Variants in MCCC1 observed in about 807,000 individuals in gnomAD.
The protein encoded by MCCC1 is methylcrotonoyl-CoA carboxylase subunit alpha, mitochondrial.
A neutral mutation model predicts 83.8 loss-of-function variants in MCCC1; 64 were observed. That is an observed-to-expected ratio of 0.76 (90% confidence interval 0.62 to 0.94). The LOEUF (loss-of-function observed/expected upper bound fraction) is 0.94. Among genes scored for constraint, MCCC1 ranks in the 40% least tolerant of loss-of-function variants. The probability of loss-of-function intolerance (pLI) is 0.00; values close to 1 mark genes in which losing one functional copy is unlikely to be tolerated. For missense variants in MCCC1, 807 were observed against 904.7 expected (o/e 0.89, Z 1.39); for synonymous variants, 322 against 315.4 (o/e 1.02, Z -0.22).
intron 2 of MCCC1, 96 bp downstream of exon 2, chr3:183,094,463 T>C: frequency 1.7e-6 from 2 of 1,171,392 alleles, no homozygotes; most frequent in South Asian, 2.6e-5. Context: ...TGATAACTAA[T>C]TCTATTATGC....
upstream of MCCC1, among the ~76,000 whole-genome samples, chr3:183,102,788 T>C (rs1175869935): frequency 3.5e-5 from 4 of 113,800 alleles, no homozygotes; most frequent in South Asian, 3.4e-4. Context: ...TTTTTTTTTT[T>C]TTTTTTTTTT....
chr3:183,108,951 G>A lies in MCCC1; in HGVS notation c.-102+6523C>T, dbSNP rs112746280. On this transcript the variant is annotated intron_variant, in intron 1 of 17. Coordinates refer to the MCCC1 transcript ENST00000492597. ...TTTAAAAAATTTTTCTTTTAGGTTC[G>A]GGGCTACACATGCAGGTTTGTGGGG... 1.1e-3 allele frequency among the ~76,000 whole-genome samples: 169 copies of A among 152,142 alleles called. 1 individual carries two copies. Among genetic ancestry groups the A allele is most frequent in the African/African-American group, 3.1e-3 (127 of 41,520 alleles).
At chr3:183,099,264 G>T in intron 1 of MCCC1, 88 bp downstream of exon 1, 1 of 1,464,938 alleles carries the variant, frequency 6.8e-7, no homozygotes, top group Non-Finnish European at 9.3e-7. Context: ...CACCGACCCT[G>T]GGTTCCGCCG....
At chr3:183,041,808 TA>T (rs1214919191) in intron 10 of MCCC1, 58 bp from the exon 11 acceptor site, 1 of 1,585,294 alleles carries the variant, frequency 6.3e-7, no homozygotes. Flanking sequence ...CCAGACTTAG[TA>T]AATCAATGGT....
intron 2 of MCCC1, among the ~76,000 whole-genome samples, chr3:183,094,238 C>G (rs576852671): frequency 6.6e-6 from 1 of 151,842 alleles, no homozygotes; most frequent in Admixed American, 6.6e-5. Context: ...TTAGTAGACA[C>G]AGGGTTTTGC....
chr3:183,064,088 G>A lies in MCCC1; in HGVS notation c.762-6666C>T, dbSNP rs535698189. 3.3e-5 allele frequency among the ~76,000 whole-genome samples: 5 copies of A among 152,138 alleles called. No homozygotes were observed. Among genetic ancestry groups the A allele is most frequent in the East Asian group, 1.9e-4 (1 of 5,158 alleles). ...GGCTCCTCTCAGTAAAATCCCTCTC[G>A]GCTAAGAATGGGTTTGGCACTATGG... On this transcript the variant is annotated intron_variant, in intron 7 of 18. Coordinates refer to ENST00000265594, the MANE Select transcript of MCCC1 (RefSeq NM_020166.5). This position sits in a 1 kb window ranked among gnomAD's most constrained non-coding sequence, Gnocchi z 4.5.
chr3:183,063,869 C>T (rs544396202), intron 7 of MCCC1, among the ~76,000 whole-genome samples: 1 of 152,242 alleles, frequency 6.6e-6, no homozygotes, highest in East Asian at 1.9e-4. Context: ...CACTGATTGG[C>T]CAACTTTGGG....
chr3:183,084,098 G>A (rs1325163099), intron 4 of MCCC1, among the ~76,000 whole-genome samples: 1 of 152,210 alleles, frequency 6.6e-6, no homozygotes, highest in East Asian at 1.9e-4. Flanking sequence ...CAGAGATGGG[G>A]TCTTGCTATC....
intron 8 of MCCC1, among the ~76,000 whole-genome samples, chr3:183,053,544 T>C (rs549171262): frequency 2.5e-4 from 38 of 151,918 alleles, no homozygotes; most frequent in Non-Finnish European, 4.3e-4. Context: ...CGGTGGCTCA[T>C]GCCTGTAATC....
chr3:183,030,995 C>A lies in MCCC1; in HGVS notation c.1681+2996G>T, dbSNP rs577011185. Reference sequence around the variant, plus strand: ...CACAGTAAAGACACTACCAAAAAAACTCCTACCCTAGATATCTCTTGTCAC... The same window carrying A: ...CACAGTAAAGACACTACCAAAAAAAATCCTACCCTAGATATCTCTTGTCAC... On this transcript the variant is annotated intron_variant, in intron 14 of 18. Coordinates refer to ENST00000265594, the MANE Select transcript of MCCC1 (RefSeq NM_020166.5). 3.3e-5 allele frequency among the ~76,000 whole-genome samples: 5 copies of A among 152,292 alleles called. No homozygotes were observed. In the East Asian group the frequency reaches 9.6e-4, roughly 29 times the overall value.
Position 183,071,241 on chromosome 3 carries a change from A to G in MCCC1, c.608T>C (p.Met203Thr), listed in dbSNP as rs1406515651. Residue 203 changes from methionine to threonine, a missense_variant, in exon 6 of 19, where the codon ATG becomes ACG. Met to Thr is a moderately conservative substitution (Grantham distance 81). Coordinates refer to ENST00000265594, the MANE Select transcript of MCCC1 (RefSeq NM_020166.5). ...TCCTCCACCCCGGACGGCTTTAATC[A>G]TGACAGGATAGCCAATTCTCCTGGC... ...EHARRIGYPV[M>T]IKAVRGGGGK... is the part of the protein sequence containing the mutation. The G allele has an allele frequency of 1.2e-6, 2 of 1,614,218 alleles. No individual in the cohort carries two copies. Among genetic ancestry groups the G allele is most frequent in the Non-Finnish European group, 1.7e-6 (2 of 1,180,032 alleles).
chr3:183,084,831 A>G (rs1439026627), intron 4 of MCCC1, among the ~76,000 whole-genome samples: 1 of 152,158 alleles, frequency 6.6e-6, no homozygotes, highest in Non-Finnish European at 1.5e-5. Flanking sequence ...CTGAGGTGGG[A>G]GGATTGCTTG....
At chr3:183,107,265 G>A (rs1025482749) in intron 1 of MCCC1, among the ~76,000 whole-genome samples, 1 of 151,750 alleles carries the variant, frequency 6.6e-6, no homozygotes, top group African/African-American at 2.4e-5. Flanking sequence ...AAAATTAGCT[G>A]GGCATGGTGG....
chr3:183,103,304 C>A (rs759269567), upstream of MCCC1, among the ~76,000 whole-genome samples: 64 of 152,118 alleles, frequency 4.2e-4, no homozygotes, highest in Non-Finnish European at 8.4e-4. Context: ...TGGCACTACT[C>A]GCTCTGGGCA....
rs914309932 is a variant in MCCC1, at chr3:183,034,225, C to A, written c.1595-148G>T. ...CAGCACTTTGGGAGGCCAAGGCGGG[C>A]GGATCATGAGGTCAGGAGATCGAGA... On this transcript the variant is annotated intron_variant, in intron 13 of 18. Coordinates refer to ENST00000265594, the MANE Select transcript of MCCC1 (RefSeq NM_020166.5). 38 of 611,524 alleles carry A rather than the reference C, an allele frequency of 6.2e-5. No individual in the cohort carries two copies. In the Admixed American group the frequency reaches 8.3e-4, roughly 13 times the overall value. 37.9% of individuals were successfully genotyped at this position (611,524 alleles called of 1,614,324 possible). A position where few individuals can be genotyped will look rare whatever the true frequency, so the allele number is the denominator to read the frequency against.
intron 13 of MCCC1, among the ~76,000 whole-genome samples, chr3:183,035,918 C>T (rs1194410961): frequency 6.6e-6 from 1 of 151,308 alleles, no homozygotes; most frequent in Non-Finnish European, 1.5e-5. Context: ...TGTTGGTGTG[C>T]TGCACCTATT....
chr3:183,058,828 C>T (rs965975921), intron 7 of MCCC1, among the ~76,000 whole-genome samples: 3 of 151,972 alleles, frequency 2.0e-5, no homozygotes, highest in African/African-American at 7.3e-5. Context: ...TATTTACCAC[C>T]ATAATACGCC....
chr3:183,099,858 C>T (rs1416435270), upstream of MCCC1, among the ~76,000 whole-genome samples: 6 of 152,160 alleles, frequency 3.9e-5, no homozygotes, highest in African/African-American at 1.4e-4. Context: ...GCAGGATACA[C>T]AATTCTCTAG....
intron 4 of MCCC1, among the ~76,000 whole-genome samples, chr3:183,078,818 G>C (rs534180911): frequency 6.6e-6 from 1 of 152,326 alleles, no homozygotes; most frequent in South Asian, 2.1e-4. Context: ...ACAAAAGAAA[G>C]AAGTTTATTG....
Sources: gnomAD v4.1 joint callset for allele counts (sites outside exome capture counted in the v4.1 genomes callset) on GRCh38, gnomAD v4.1.1 for gene constraint, Gnocchi (gnomAD v3.1) non-coding constraint, MANE v1.5 for transcripts, NCBI Gene and HGNC (gene_info 2026-07-23, HGNC 2026-07-21) for gene names.